The following ZYG11B variants were observed in gnomAD, a reference collection of about 807,000 sequenced individuals.
The protein encoded by ZYG11B is zyg-11 family member B, cell cycle regulator, also known as protein zyg-11 homolog B.
A neutral mutation model predicts 82.4 loss-of-function variants in ZYG11B; 36 were observed. That is an observed-to-expected ratio of 0.44 (90% CI 0.33 to 0.58). The LOEUF (loss-of-function observed/expected upper bound fraction) is 0.58, where lower values mean the gene tolerates loss of function less well. Ranked by LOEUF, ZYG11B falls within the 20% of genes least tolerant of loss-of-function variation. The probability of loss-of-function intolerance (pLI) is 0.02; values close to 1 mark genes in which losing one functional copy is unlikely to be tolerated. For missense variants in ZYG11B, 552 were observed against 895.6 expected (o/e 0.62, Z 4.90); for synonymous variants, 303 against 312.8 (o/e 0.97, Z 0.33).
intron 9 of ZYG11B, 40 bp downstream of exon 9, chr1:52,802,020 A>G: frequency 6.3e-7 from 1 of 1,582,616 alleles, no homozygotes; most frequent in East Asian, 2.2e-5. Flanking sequence ...GATATTTATT[A>G]ATTTATTTAC....
At chr1:52,757,546 G>A (rs1445714595) in intron 2 of ZYG11B, among the ~76,000 whole-genome samples, 2 of 151,886 alleles carry the variant, frequency 1.3e-5, no homozygotes, top group East Asian at 2.0e-4. Context: ...GTGGCAATAC[G>A]TGCCTATAAT....
At chr1:52,794,703 G>C (rs1644993198) in intron 6 of ZYG11B, among the ~76,000 whole-genome samples, 1 of 152,136 alleles carries the variant, frequency 6.6e-6, no homozygotes, top group South Asian at 2.1e-4. Flanking sequence ...TATTTGATCT[G>C]AGTCTTAAGG....
At chr1:52,817,708 C>T in intron 13 of ZYG11B, among the ~76,000 whole-genome samples, 1 of 137,554 alleles carries the variant, frequency 7.3e-6, no homozygotes, top group Non-Finnish European at 1.6e-5. Flanking sequence ...AATATAAACT[C>T]ATTCCACAAA....
chr1:52,776,229 A>AAAAAAAAAAATATATATATATATATATAT, intron 3 of ZYG11B, among the ~76,000 whole-genome samples: 11 of 23,532 alleles, frequency 4.7e-4, no homozygotes, highest in African/African-American at 9.5e-4. Flanking sequence ...TAAAAAAAAA[A>AAAAAAAAAAATATATATATATATATATAT]ATATATATAT....
intron 1 of ZYG11B, among the ~76,000 whole-genome samples, chr1:52,744,617 C>T (rs1048726496): frequency 3.3e-5 from 5 of 152,084 alleles, no homozygotes; most frequent in Non-Finnish European, 5.9e-5. Flanking sequence ...CCAAGGCGGG[C>T]GGATCATGAG....
At chr1:52,745,792 G>A (rs1177209175) in intron 1 of ZYG11B, among the ~76,000 whole-genome samples, 3 of 151,524 alleles carry the variant, frequency 2.0e-5, no homozygotes, top group Non-Finnish European at 2.9e-5. Flanking sequence ...TTGAACTCCC[G>A]ACCTCAAGCA....
intron 10 of ZYG11B, among the ~76,000 whole-genome samples, chr1:52,811,163 A>G (rs1645179376): frequency 1.3e-5 from 2 of 152,124 alleles, no homozygotes; most frequent in South Asian, 4.1e-4. Context: ...TGTTTACCTA[A>G]CAAAGTTTTT....
intron 1 of ZYG11B, among the ~76,000 whole-genome samples, chr1:52,743,940 CT>C (rs71246234): frequency 9.4e-5 from 14 of 148,780 alleles, no homozygotes; most frequent in South Asian, 6.4e-4. Context: ...TCTTTTCTTT[CT>C]TTTTTTTTTG....
At chr1:52,735,202 G>C (rs1644369372) in intron 1 of ZYG11B, among the ~76,000 whole-genome samples, 1 of 150,756 alleles carries the variant, frequency 6.6e-6, no homozygotes, top group South Asian at 2.1e-4. Context: ...GGCTAATTTT[G>C]TATTTTTAGT....
At chr1:52,783,902 GTA>G (rs763801303) in intron 4 of ZYG11B, among the ~76,000 whole-genome samples, 12 of 44,450 alleles carry the variant, frequency 2.7e-4, no homozygotes, top group Non-Finnish European at 3.5e-4. Flanking sequence ...ACACGTGTGT[GTA>G]TATACATCTA....
At chr1:52,730,862 A>T (rs1333252714) in intron 1 of ZYG11B, among the ~76,000 whole-genome samples, 8 of 151,476 alleles carry the variant, frequency 5.3e-5, no homozygotes, top group African/African-American at 1.7e-4. Context: ...AAAAAATAGA[A>T]AGGAAAGAAA....
rs1645305433 is a variant in ZYG11B at position 52,824,013 on chromosome 1, T to G, written c.*2384T>G. The G allele has an allele frequency of 6.6e-6, 1 of 152,172 alleles. No individual in the cohort carries two copies. The highest frequency in any genetic ancestry group is 1.5e-5 in the Non-Finnish European group (1 of 68,090). The allele number at this position is 152,172 out of a possible 1,614,324, so 9.4% of individuals were successfully genotyped here. ...GGGCATGGTGGCTTTTTTGCACGCCTATAGTCCCAGCTACTCGGGAGGCTG... is the reference window on the plus strand; with the variant it reads ...GGGCATGGTGGCTTTTTTGCACGCCGATAGTCCCAGCTACTCGGGAGGCTG... On this transcript the variant is annotated 3_prime_UTR_variant, in exon 14 of 14. Coordinates refer to ENST00000294353, the MANE Select transcript of ZYG11B (RefSeq NM_024646.3).
At chr1:52,811,756 C>T (rs779430824) in intron 10 of ZYG11B, among the ~76,000 whole-genome samples, 16 of 151,896 alleles carry the variant, frequency 1.1e-4, no homozygotes, top group Admixed American at 2.0e-4. Flanking sequence ...GTTGGCCAGG[C>T]GCGGTGGCGC....
At chr1:52,734,033 C>G (rs1313489495) in intron 1 of ZYG11B, among the ~76,000 whole-genome samples, 1 of 152,022 alleles carries the variant, frequency 6.6e-6, no homozygotes, top group East Asian at 1.9e-4. Flanking sequence ...GGGTCTTGCT[C>G]TGTGGCCCAG....
At chr1:52,758,225 C>A (rs1026008274) in intron 2 of ZYG11B, among the ~76,000 whole-genome samples, 53 of 151,042 alleles carry the variant, frequency 3.5e-4, no homozygotes, top group African/African-American at 1.3e-3. Flanking sequence ...AAAAGATACA[C>A]CTTTATATCT....
chr1:52,768,534 C>T (rs1571763401), intron 2 of ZYG11B, among the ~76,000 whole-genome samples: 1 of 152,090 alleles, frequency 6.6e-6, no homozygotes, highest in South Asian at 2.1e-4. Context: ...GATATGCTTT[C>T]ACATCTTTAA....
intron 10 of ZYG11B, among the ~76,000 whole-genome samples, chr1:52,807,491 C>CTTTTTTT (rs34785263): frequency 7.8e-6 from 1 of 128,946 alleles, no homozygotes; most frequent in African/African-American, 2.9e-5. Context: ...GCTAAGAGTA[C>CTTTTTTT]TTTTTTTTTT....
chr1:52,790,089 T>TA (rs1468513478), intron 6 of ZYG11B, 22 bp downstream of exon 6: 2 of 1,541,196 alleles, frequency 1.3e-6, no homozygotes, highest in African/African-American at 2.7e-5. Context: ...CTCTAGAACT[T>TA]AAAGTGGGGC....
chr1:52,756,411 A>C (rs1206153138), intron 1 of ZYG11B, 47 bp from the exon 2 acceptor site: 6 of 1,572,948 alleles, frequency 3.8e-6, no homozygotes, highest in African/African-American at 1.4e-5. Flanking sequence ...CTGGAAACTA[A>C]CTAGTTGGTT....
Sources: allele counts gnomAD v4.1 joint callset (sites outside exome capture counted in the v4.1 genomes callset), GRCh38; gene constraint gnomAD v4.1.1; transcripts MANE v1.5; gene names NCBI Gene and HGNC (gene_info 2026-07-23, HGNC 2026-07-21).